Variants in LAS1L observed in about 807,000 individuals in gnomAD.
The protein encoded by LAS1L is LAS1 like ribosome biogenesis factor, also known as ribosomal biogenesis protein LAS1L.
Under a neutral mutation model 57.3 loss-of-function variants are expected in LAS1L, and 5 were observed. That is an observed-to-expected ratio of 0.09 (90% CI 0.05 to 0.18). LAS1L has a LOEUF of 0.18. LAS1L is among the 10% of genes least tolerant of loss of function. LAS1L has a pLI of 1.00. For synonymous variants in LAS1L, 245 were observed against 231.7 expected (o/e 1.06, Z -0.52); for missense variants, 360 against 568.3 (o/e 0.63, Z 3.73).
intron 1 of LAS1L, 111 bp from the exon 2 acceptor site, chrX:65,533,846 G>A (rs1441900661): frequency 1.3e-5 from 11 of 816,852 alleles, no homozygotes; most frequent in Non-Finnish European, 1.9e-5. Context: ...GTTCAAGAGA[G>A]CATGAACAGA....
chrX:65,523,593 G>A lies in LAS1L; in HGVS notation c.1415C>T (p.Ser472Leu). Residue 472 changes from serine (S) to leucine (L), a missense_variant, in exon 11 of 14, where the codon TCA becomes TTA. By Grantham distance (145) the Ser-to-Leu change is moderately radical. Transcript: ENST00000374811. ...GAGTTGGGGGCTGGCCCAGCAAGGT[G>A]AGCCCAAGCAGGACTCAACCATCCG... ...WPRMVESCLG[S>L]PCWASPQLLR... 8.3e-7 allele frequency: 1 copy of A among 1,199,175 alleles called. No homozygotes were observed. Among genetic ancestry groups the A allele is most frequent in the Non-Finnish European group, 1.1e-6 (1 of 889,117 alleles).
At chrX:65,514,760 T>A (rs2068570994) in intron 13 of LAS1L, 63 bp downstream of exon 13, 2 of 1,069,251 alleles carry the variant, frequency 1.9e-6, no homozygotes, top group Non-Finnish European at 2.5e-6. Context: ...TCACCTTGTC[T>A]TCTCTCCCTC....
chrX:65,520,706 G>A, intron 11 of LAS1L: 1 of 754,114 alleles, frequency 1.3e-6, no homozygotes, highest in Non-Finnish European at 1.6e-6. Context: ...TCGTACCCAA[G>A]TGAGCCGCTG....
intron 11 of LAS1L, chrX:65,523,039 G>C (rs1276792662): frequency 8.9e-6 from 1 of 112,597 alleles, no homozygotes; most frequent in South Asian, 3.7e-4. Flanking sequence ...TAGAACCCAG[G>C]GTGGATAGGG....
intron 9 of LAS1L, 42 bp from the exon 10 acceptor site, chrX:65,524,304 G>T: frequency 1.0e-6 from 1 of 982,343 alleles, no homozygotes; most frequent in Non-Finnish European, 1.4e-6. Context: ...CAATAGGAGA[G>T]AGAGAGCAGG....
chrX:65,519,852 T>TG (rs777663078), intron 11 of LAS1L, among the ~76,000 whole-genome samples: 72 of 111,505 alleles, frequency 6.5e-4, no homozygotes, highest in Admixed American at 1.1e-3. Context: ...ATGACTTCAC[T>TG]GGAGATCCTG....
intron 11 of LAS1L, 49 bp from the exon 12 acceptor site, chrX:65,518,514 C>A: frequency 8.8e-7 from 1 of 1,139,399 alleles, no homozygotes; most frequent in Non-Finnish European, 1.2e-6. Flanking sequence ...TCTCAAGCCA[C>A]TTCATACCCC....
intron 3 of LAS1L, 93 bp from the exon 4 acceptor site, chrX:65,531,531 C>A: frequency 1.7e-6 from 1 of 581,227 alleles, no homozygotes; most frequent in Non-Finnish European, 2.8e-6. Flanking sequence ...CCACCTCCTG[C>A]CCCATTTTAC....
chrX:65,515,107 G>A (rs2068582452), intron 12 of LAS1L, 134 bp from the exon 13 acceptor site: 1 of 541,124 alleles, frequency 1.8e-6, no homozygotes, highest in African/African-American at 2.4e-5. Flanking sequence ...CAGCTTCACT[G>A]CTCTCGGTAT....
chrX:65,517,871 G>A, intron 12 of LAS1L, 116 bp downstream of exon 12: 2 of 1,083,532 alleles, frequency 1.8e-6, no homozygotes, highest in South Asian at 5.0e-5. Flanking sequence ...CTGCCTTCCA[G>A]GCTTGCCTCA....
rs72054209 is a variant in LAS1L, at chrX:65,534,401, GGGCCTTATAGAAACTC to G, written c.236+63_236+78del. ...CGACTTAGGGGAAGACTGGAGAACAGGGCCTTATAGAAACTCGACAAAGGAAGAGGTGCAGCGCCAC... is the reference window on the plus strand; with the variant it reads ...CGACTTAGGGGAAGACTGGAGAACAGGACAAAGGAAGAGGTGCAGCGCCAC... On this transcript the variant is annotated intron_variant, in intron 1 of 13. Transcript: ENST00000374811. 33,425 of 776,012 alleles carry G rather than the reference GGGCCTTATAGAAACTC, an allele frequency of 0.043. 4,848 individuals are homozygous for G. In the African/African-American group the frequency reaches 0.5, roughly 12 times the overall value. 64.0% of individuals were successfully genotyped at this position (776,012 alleles called of 1,213,427 possible).
intron 1 of LAS1L, 87 bp from the exon 2 acceptor site, chrX:65,533,822 C>T: frequency 1.0e-6 from 1 of 996,292 alleles, no homozygotes; most frequent in Admixed American, 2.6e-5. Context: ...GCAGGCTACA[C>T]CCATCATATT....
At position 65,529,775 on chromosome X, in the gene LAS1L, T is replaced by C. The variant is rs767362529; in HGVS notation, c.618A>G (p.Ile206Met). The change falls in exon 5 of 14, where the codon ATA (isoleucine) becomes ATG (methionine). Residue 206 changes from isoleucine to methionine, a missense_variant. By Grantham distance (10) the Ile-to-Met change is conservative (BLOSUM62 1). Transcript: ENST00000374811. ...TWELEEFREG[I>M]EEEDQEEDKN... ...TATCTTCCTCTTGATCCTCTTCCTC[T>C]ATCCCTTCCCTGAACTCCTCCAACT... 1.4e-5 allele frequency: 17 copies of C among 1,210,025 alleles called. No individual in the cohort carries two copies. The East Asian group carries it at 5.0e-4, about 36-fold the overall frequency.
intron 11 of LAS1L, chrX:65,522,846 G>A (rs2068926028): frequency 8.9e-6 from 1 of 112,137 alleles, no homozygotes; most frequent in Admixed American, 9.5e-5. Context: ...CTGGAGTTGA[G>A]GAGCTGTAGA....
chrX:65,531,928 G>T (rs2069516873), intron 3 of LAS1L, among the ~76,000 whole-genome samples: 1 of 112,196 alleles, frequency 8.9e-6, no homozygotes, highest in African/African-American at 3.2e-5. Flanking sequence ...CTCAAAAAAA[G>T]AAAAGAAAAT....
intron 8 of LAS1L, 89 bp from the exon 9 acceptor site, chrX:65,524,703 C>T (rs1260938489): frequency 1.6e-5 from 8 of 499,812 alleles, no homozygotes; most frequent in South Asian, 2.8e-5. Context: ...TAAATCACAA[C>T]GAACATGGCA....
At chrX:65,517,577 A>T (rs749080319) in intron 12 of LAS1L, among the ~76,000 whole-genome samples, 2 of 111,569 alleles carry the variant, frequency 1.8e-5, no homozygotes, top group South Asian at 7.5e-4. Flanking sequence ...TCTAATACAC[A>T]CATCAAAATC....
At chrX:65,518,543 C>T in intron 11 of LAS1L, 78 bp from the exon 12 acceptor site, 4 of 1,107,455 alleles carry the variant, frequency 3.6e-6, no homozygotes, top group Non-Finnish European at 3.5e-6. Context: ...AGGGTTTGAA[C>T]TTGGTCTCTG....
intron 11 of LAS1L, 148 bp downstream of exon 11, chrX:65,523,412 C>A (rs2068960194): frequency 1.8e-5 from 10 of 561,635 alleles, no homozygotes; most frequent in Non-Finnish European, 2.4e-5. Context: ...CCTCCCCTCT[C>A]TGGACTCAGT....
Sources: gnomAD v4.1 joint callset for allele counts (sites outside exome capture counted in the v4.1 genomes callset) on GRCh38, gnomAD v4.1.1 for gene constraint, MANE v1.5 for transcripts, NCBI Gene and HGNC (gene_info 2026-07-23, HGNC 2026-07-21) for gene names.